OPCML: variants seen among roughly 807,000 people sequenced by gnomAD.
OPCML encodes the protein opioid binding protein/cell adhesion molecule like.
A neutral mutation model predicts 37.8 loss-of-function variants in OPCML; 13 were observed. That is an observed-to-expected ratio of 0.34 (90% CI 0.22 to 0.55). The LOEUF (loss-of-function observed/expected upper bound fraction) is 0.55, where lower values mean the gene tolerates loss of function less well. Ranked by LOEUF, OPCML falls within the 20% of genes least tolerant of loss-of-function variation. The pLI, the probability that OPCML is intolerant of heterozygous loss-of-function variation, is 0.91. For synonymous variants in OPCML, 176 were observed against 168.8 expected (o/e 1.04, Z -0.33); for missense variants, 341 against 435.6 (o/e 0.78, Z 1.93).
At chr11:133,247,543 T>TCTTTCTTC (rs1382644984) in intron 1 of OPCML, among the ~76,000 whole-genome samples, 20 of 71,086 alleles carry the variant, frequency 2.8e-4, no homozygotes, top group Non-Finnish European at 6.8e-4. Context: ...TCCTTCTTTT[T>TCTTTCTTC]CTTTCTTTCT....
chr11:133,479,728 A>G (rs532786107), intron 1 of OPCML, among the ~76,000 whole-genome samples: 1 of 152,302 alleles, frequency 6.6e-6, no homozygotes, highest in South Asian at 2.1e-4. Context: ...AGGAGCCCAT[A>G]TGCTGGGAAC....
At chr11:132,623,342 T>C (rs1939539718) in intron 3 of OPCML, among the ~76,000 whole-genome samples, 2 of 152,086 alleles carry the variant, frequency 1.3e-5, no homozygotes, top group Non-Finnish European at 2.9e-5. Context: ...CTATCTAGTG[T>C]GTTTTGAAGA....
intron 1 of OPCML, among the ~76,000 whole-genome samples, chr11:133,157,707 T>C (rs1026964570): frequency 1.3e-5 from 2 of 152,158 alleles, no homozygotes; most frequent in East Asian, 3.9e-4. Flanking sequence ...TGGATCAAAC[T>C]GCAAGTGAAA....
At chr11:132,582,192 T>C (rs903703388) in intron 3 of OPCML, among the ~76,000 whole-genome samples, 34 of 151,188 alleles carry the variant, frequency 2.2e-4, no homozygotes, top group South Asian at 1.5e-3. Context: ...AAGGATCCCA[T>C]GTACAATTGG....
rs561092363 is a variant in OPCML, at chr11:132,416,027, G to C, written c.*4166C>G. 6.6e-6 allele frequency: 1 copy of C among 152,580 alleles called. No individual in the cohort carries two copies. The highest frequency in any genetic ancestry group is 2.4e-5 in the African/African-American group (1 of 41,428). 9.5% of individuals were successfully genotyped at this position (152,580 alleles called of 1,614,324 possible). A position where few individuals can be genotyped will look rare whatever the true frequency, so the allele number is the denominator to read the frequency against. On this transcript the variant is annotated 3_prime_UTR_variant, in exon 8 of 8. Transcript: ENST00000524381. ...AAAGACAGGGAAGCTCTGAATAATA[G>C]GAGGGGAGGCAATTGGGTATAAGAG...
chr11:132,736,184 T>C (rs1157294700), intron 2 of OPCML, among the ~76,000 whole-genome samples: 1 of 152,108 alleles, frequency 6.6e-6, no homozygotes, highest in African/African-American at 2.4e-5. Context: ...TGTGAGAGTA[T>C]GTGTGCCAGT....
intron 1 of OPCML, among the ~76,000 whole-genome samples, chr11:133,431,168 A>G (rs1030726014): frequency 6.6e-6 from 1 of 152,228 alleles, no homozygotes; most frequent in African/African-American, 2.4e-5. Context: ...TAAAGTATTT[A>G]GTATAGTACC....
chr11:133,033,344 C>T (rs1947707764), intron 1 of OPCML, among the ~76,000 whole-genome samples: 1 of 152,226 alleles, frequency 6.6e-6, no homozygotes, highest in Non-Finnish European at 1.5e-5. Flanking sequence ...ACCCCTCCTT[C>T]TGTGCAGGGG....
intron 1 of OPCML, among the ~76,000 whole-genome samples, chr11:132,968,712 C>A (rs75474283): frequency 0.017 from 2,539 of 152,284 alleles, 73 homozygotes; most frequent in African/African-American, 0.058. Flanking sequence ...TTTTATCTTG[C>A]AATCTTGCTA....
At chr11:132,649,457 T>C (rs570320169) in intron 3 of OPCML, among the ~76,000 whole-genome samples, 15 of 152,148 alleles carry the variant, frequency 9.9e-5, no homozygotes, top group South Asian at 4.2e-4. Context: ...GACCACGGCA[T>C]GGTGGGGTGA....
At chr11:132,434,939 C>T (rs946056962) in intron 7 of OPCML, among the ~76,000 whole-genome samples, 6 of 152,088 alleles carry the variant, frequency 3.9e-5, no homozygotes, top group Non-Finnish European at 8.8e-5. Context: ...AAACCCCTTC[C>T]CCTGAAACAC....
intron 3 of OPCML, among the ~76,000 whole-genome samples, chr11:132,600,571 C>G (rs1350168888): frequency 2.6e-5 from 4 of 152,172 alleles, no homozygotes; most frequent in African/African-American, 9.7e-5. Context: ...ACATTTTCAA[C>G]TCCTTTGTAC....
chr11:133,464,508 G>A (rs560509331), intron 1 of OPCML, among the ~76,000 whole-genome samples: 133 of 152,158 alleles, frequency 8.7e-4, no homozygotes, highest in Non-Finnish European at 1.8e-3. Context: ...AGGCTTTCTG[G>A]AATGCTGCCC....
chr11:133,472,699 C>T (rs2137009243), intron 1 of OPCML, among the ~76,000 whole-genome samples: 1 of 152,084 alleles, frequency 6.6e-6, no homozygotes, highest in East Asian at 1.9e-4. Context: ...GTTTTGTCTT[C>T]CTACTGCAAG....
chr11:132,425,870 C>T (rs1275558669), intron 7 of OPCML, among the ~76,000 whole-genome samples: 1 of 152,150 alleles, frequency 6.6e-6, no homozygotes, highest in African/African-American at 2.4e-5. Context: ...TGGGCAAATG[C>T]CACATTTAAG....
intron 1 of OPCML, among the ~76,000 whole-genome samples, chr11:133,471,137 G>A (rs1947102989): frequency 6.6e-6 from 1 of 152,142 alleles, no homozygotes; most frequent in Admixed American, 6.5e-5. Flanking sequence ...CAGGAAATGA[G>A]TAGTTCAGAA....
At chr11:133,251,467 A>C (rs1941131370) in intron 1 of OPCML, among the ~76,000 whole-genome samples, 2 of 151,962 alleles carry the variant, frequency 1.3e-5, no homozygotes, top group Admixed American at 6.6e-5. Flanking sequence ...TGGCAGATAA[A>C]GGAAGGAGAC....
At chr11:132,874,394 T>TTCCCTCCCTCCCTCCC (rs769347911) in intron 2 of OPCML, among the ~76,000 whole-genome samples, 8 of 146,918 alleles carry the variant, frequency 5.4e-5, no homozygotes, top group African/African-American at 2.1e-4. Context: ...TCTTTTATCT[T>TTCCCTCCCTCCCTCCC]TCCCTCCCTC....
At chr11:133,443,680 T>C (rs1946410163) in intron 1 of OPCML, among the ~76,000 whole-genome samples, 1 of 152,218 alleles carries the variant, frequency 6.6e-6, no homozygotes, top group Non-Finnish European at 1.5e-5. Flanking sequence ...CTCTGAAGTA[T>C]GTTAAGCGTT....
Sources: gnomAD v4.1 joint callset for allele counts (sites outside exome capture counted in the v4.1 genomes callset) on GRCh38, gnomAD v4.1.1 for gene constraint, MANE v1.5 for transcripts, NCBI Gene and HGNC (gene_info 2026-07-23, HGNC 2026-07-21) for gene names.